CFAP299: variants seen among roughly 807,000 people sequenced by gnomAD.
The protein encoded by CFAP299 is cilia and flagella associated protein 299.
A neutral mutation model predicts 27.0 loss-of-function variants in CFAP299; 21 were observed. The observed-to-expected ratio is 0.78, with a 90% CI of 0.55 to 1.12. The LOEUF is 1.12. Among genes scored for constraint, CFAP299 ranks in the 50% most tolerant of loss-of-function variants. CFAP299 has a pLI of 0.00. For synonymous variants in CFAP299, 104 were observed against 98.1 expected (o/e 1.06, Z -0.36); for missense variants, 310 against 276.6 (o/e 1.12, Z -0.86).
chr4:80,918,853 T>C (rs1735895857), intron 4 of CFAP299, among the ~76,000 whole-genome samples: 1 of 152,064 alleles, frequency 6.6e-6, no homozygotes, highest in South Asian at 2.1e-4. Context: ...CATCAGAAGT[T>C]CCGGGTTCAG....
chr4:80,551,021 TCA>T (rs1734488311), intron 2 of CFAP299, among the ~76,000 whole-genome samples: 1 of 152,312 alleles, frequency 6.6e-6, no homozygotes, highest in South Asian at 2.1e-4. Context: ...TGCTGGTAGC[TCA>T]GTTAACTGTT....
At chr4:80,364,973 A>G (rs530998717) in intron 2 of CFAP299, among the ~76,000 whole-genome samples, 2 of 152,288 alleles carry the variant, frequency 1.3e-5, no homozygotes, top group East Asian at 1.9e-4. Context: ...TCCATGGTAT[A>G]TATGTACCAT....
At chr4:80,324,511 C>T in the CFAP299 span, among the ~76,000 whole-genome samples, 1 of 152,148 alleles carries the variant, frequency 6.6e-6, no homozygotes, top group African/African-American at 2.4e-5. Flanking sequence ...ACTATTAATG[C>T]ATTTAGTTAT....
intron 4 of CFAP299, among the ~76,000 whole-genome samples, chr4:80,895,295 A>G (rs577567238): frequency 4.0e-5 from 6 of 151,888 alleles, no homozygotes; most frequent in Non-Finnish European, 8.8e-5. Context: ...TGTAAATCTT[A>G]AATATATGCA....
chr4:80,865,242 C>T (rs532538666), intron 3 of CFAP299, among the ~76,000 whole-genome samples: 14 of 152,174 alleles, frequency 9.2e-5, no homozygotes, highest in South Asian at 2.1e-4. Context: ...TCTTAATAAA[C>T]GATAACAAGT....
intron 3 of CFAP299, among the ~76,000 whole-genome samples, chr4:80,824,888 G>A (rs1465332477): frequency 6.6e-6 from 1 of 151,978 alleles, no homozygotes; most frequent in Non-Finnish European, 1.5e-5. Flanking sequence ...AAGAAACAAA[G>A]TATAGCCCAT....
intron 2 of CFAP299, among the ~76,000 whole-genome samples, chr4:80,547,818 C>T (rs1734314911): frequency 6.6e-6 from 1 of 152,008 alleles, no homozygotes; most frequent in South Asian, 2.1e-4. Context: ...CAAATTAAAA[C>T]CACATGAGAT....
chr4:80,835,651 C>G (rs1172253711), intron 3 of CFAP299, among the ~76,000 whole-genome samples: 1 of 151,994 alleles, frequency 6.6e-6, no homozygotes, highest in Non-Finnish European at 1.5e-5. Flanking sequence ...AGAAATTGTC[C>G]TGGATTATCC....
intron 3 of CFAP299, among the ~76,000 whole-genome samples, chr4:80,669,715 T>G (rs1204060825): frequency 6.6e-6 from 1 of 152,026 alleles, no homozygotes; most frequent in Admixed American, 6.6e-5. Context: ...TGGTGAGAAC[T>G]TCTAATATTA....
At chr4:80,768,917 G>A (rs1726050157) in intron 3 of CFAP299, among the ~76,000 whole-genome samples, 3 of 152,152 alleles carry the variant, frequency 2.0e-5, no homozygotes, top group Admixed American at 6.5e-5. Context: ...AATAGCATAT[G>A]CTATGATAGC....
chr4:80,848,026 A>G (rs1425399344), intron 3 of CFAP299, among the ~76,000 whole-genome samples: 1 of 152,026 alleles, frequency 6.6e-6, no homozygotes, highest in Non-Finnish European at 1.5e-5. Context: ...CCTGGGCAAC[A>G]TGGCAGAACC....
At chr4:80,841,387 CT>C (rs1730854594) in intron 3 of CFAP299, among the ~76,000 whole-genome samples, 1 of 152,050 alleles carries the variant, frequency 6.6e-6, no homozygotes, top group Non-Finnish European at 1.5e-5. Flanking sequence ...ACAAAAGTTC[CT>C]GTACAAATAC....
intron 3 of CFAP299, among the ~76,000 whole-genome samples, chr4:80,722,774 C>T (rs1031295128): frequency 2.6e-5 from 4 of 151,650 alleles, no homozygotes; most frequent in African/African-American, 4.8e-5. Context: ...GTAGCGGGCG[C>T]CTGTAGTCCC....
intron 3 of CFAP299, among the ~76,000 whole-genome samples, chr4:80,611,115 A>T (rs1260872104): frequency 6.6e-6 from 1 of 152,000 alleles, no homozygotes; most frequent in Admixed American, 6.6e-5. Context: ...GGAAGCTTTC[A>T]TCTCCTTTTA....
chr4:80,828,094 G>T (rs1341577286), intron 3 of CFAP299, among the ~76,000 whole-genome samples: 2 of 151,988 alleles, frequency 1.3e-5, no homozygotes, highest in African/African-American at 4.8e-5. Context: ...GCGAAAGACA[G>T]TATTGATAAA....
intron 3 of CFAP299, among the ~76,000 whole-genome samples, chr4:80,692,551 G>C (rs201171670): frequency 0.069 from 10,423 of 151,704 alleles, 513 homozygotes; most frequent in East Asian, 0.23. Context: ...AATTCAAGAT[G>C]GATTAAAGAC....
intron 3 of CFAP299, among the ~76,000 whole-genome samples, chr4:80,697,866 T>C (rs925161193): frequency 6.6e-6 from 1 of 152,194 alleles, no homozygotes; most frequent in African/African-American, 2.4e-5. Context: ...TGGAGTGGAA[T>C]GAGGAAAACC....
intron 2 of CFAP299, among the ~76,000 whole-genome samples, chr4:80,543,941 C>G (rs536267832): frequency 1.3e-5 from 2 of 152,206 alleles, no homozygotes; most frequent in South Asian, 4.1e-4. Flanking sequence ...GGTCTTAAGA[C>G]AGCTAGAGAG....
intron 1 of CFAP299, among the ~76,000 whole-genome samples, chr4:80,361,230 G>A (rs967102320): frequency 2.0e-5 from 3 of 152,108 alleles, no homozygotes; most frequent in African/African-American, 7.2e-5. Flanking sequence ...AAATGATTTT[G>A]TGTAACCCAG....
Sources: allele counts gnomAD v4.1 joint callset (sites outside exome capture counted in the v4.1 genomes callset), GRCh38; gene constraint gnomAD v4.1.1; transcripts MANE v1.5; gene names NCBI Gene and HGNC (gene_info 2026-07-23, HGNC 2026-07-21).